Variants in DMD observed in about 807,000 individuals in gnomAD.
DMD encodes mutant dystrophin.
Under a neutral mutation model 330.1 loss-of-function variants are expected in DMD, and 63 were observed. The ratio of observed to expected loss-of-function variants is 0.19; its 90% CI spans 0.16 to 0.24. The LOEUF is 0.24. Among genes scored for constraint, DMD ranks in the 10% least tolerant of loss-of-function variants. The probability of loss-of-function intolerance (pLI) is 1.00; values close to 1 mark genes in which losing one functional copy is unlikely to be tolerated. For missense variants in DMD, 3,344 were observed against 2,684.1 expected, an observed-to-expected ratio of 1.25 and a Z score of -5.43; for synonymous variants, 1,223 against 959.8, an observed-to-expected ratio of 1.27 and a Z score of -5.07.
chrX:32,055,987 T>C (rs966317445), intron 44 of DMD, among the ~76,000 whole-genome samples: 6 of 111,493 alleles, frequency 5.4e-5, no homozygotes, highest in Non-Finnish European at 9.5e-5. Context: ...AATGATAACA[T>C]GAATGTCCTT....
intron 37 of DMD, among the ~76,000 whole-genome samples, chrX:32,355,560 A>G (rs1358957723): frequency 2.7e-5 from 3 of 111,896 alleles, no homozygotes; most frequent in African/African-American, 9.7e-5. Context: ...TCAATTACAC[A>G]TCTACTTTAA....
rs142457280 is a variant in DMD at position 31,419,413 on chromosome X, A to G, written c.9084+25068T>C. ...ATACATTCTCCACACGTATACATTC[A>G]TGGGTGTATGTGTGTGTTGTTTGTC... On this transcript the variant is annotated intron_variant, in intron 60 of 78. Transcript: ENST00000357033. Among the ~76,000 whole-genome samples, 1,051 of 110,380 alleles carry G rather than the reference A, an allele frequency of 9.5e-3. 2 individuals carry two copies. The highest frequency in any genetic ancestry group is 0.023 in the South Asian group (58 of 2,551).
chrX:32,263,813 C>A (rs2097333229), intron 43 of DMD, among the ~76,000 whole-genome samples: 1 of 111,560 alleles, frequency 9.0e-6, no homozygotes, highest in Admixed American at 9.5e-5. Flanking sequence ...TTAACTACAA[C>A]CCTTATCCTT....
rs754482872 is a variant in DMD, at chrX:32,686,696, G to A, written c.960+11174C>T. ...GAATATAGTTTCATTAAAATATAAG[G>A]TTAATAATTTAAAGAGAAAAGATTA... On this transcript the variant is annotated intron_variant, in intron 9 of 78. Coordinates refer to ENST00000357033, the MANE Select transcript of DMD (RefSeq NM_004006.3). Among the ~76,000 whole-genome samples, 3 of 109,506 alleles carry A rather than the reference G, an allele frequency of 2.7e-5. No individual in the cohort carries two copies. In the Admixed American group the frequency reaches 2.9e-4, roughly 11 times the overall value.
intron 12 of DMD, among the ~76,000 whole-genome samples, chrX:32,596,449 TCTTA>T (rs1335796795): frequency 1.8e-5 from 2 of 111,777 alleles, no homozygotes; most frequent in African/African-American, 6.5e-5. Context: ...TGTTATAGCG[TCTTA>T]CTTGACATGT....
In DMD at chrX:32,054,135, G is replaced by GAA. The variant is rs1557099312; in HGVS notation, c.6439-85623_6439-85622dup. Among the ~76,000 whole-genome samples, 524 of 96,104 alleles carry GAA rather than the reference G, an allele frequency of 5.5e-3. 5 individuals carry two copies. Among genetic ancestry groups the GAA allele is most frequent in the Admixed American group, 0.026 (235 of 8,915 alleles). The allele number at this position is 96,104 out of a possible 115,157, so 83.5% of individuals were successfully genotyped here. On this transcript the variant is annotated intron_variant, in intron 44 of 78. Transcript: ENST00000357033. The stretch of plus-strand genomic sequence containing the variant: ...AGAGAGAGAGAGAGAGAGAGAGAGA[G>GAA]AAGAGGACTGAGGAACCAAAAAGAA...
chrX:32,457,445 G>A (rs1264795009), intron 25 of DMD, among the ~76,000 whole-genome samples: 1 of 110,661 alleles, frequency 9.0e-6, no homozygotes, highest in Non-Finnish European at 1.9e-5. Context: ...ATTCTCTACT[G>A]ATGGGAATGA....
chrX:31,216,088 G>C (rs2045376991), intron 64 of DMD, among the ~76,000 whole-genome samples: 1 of 112,465 alleles, frequency 8.9e-6, no homozygotes, highest in African/African-American at 3.2e-5. Context: ...TCTATTAGGA[G>C]AATTAGGAAC....
At chrX:31,684,635 A>G (rs1418079800) in intron 52 of DMD, among the ~76,000 whole-genome samples, 1 of 111,786 alleles carries the variant, frequency 8.9e-6, no homozygotes, top group African/African-American at 3.3e-5. Flanking sequence ...AAAAGAGAAA[A>G]CCCATTGCTT....
intron 48 of DMD, among the ~76,000 whole-genome samples, chrX:31,862,321 C>T (rs926023815): frequency 1.8e-5 from 2 of 109,694 alleles, no homozygotes; most frequent in African/African-American, 6.6e-5. Flanking sequence ...TTAGTGGAGA[C>T]GGGGTTTCAT....
chrX:31,801,485 G>A (rs1183839553), intron 50 of DMD, among the ~76,000 whole-genome samples: 2 of 110,237 alleles, frequency 1.8e-5, no homozygotes, highest in African/African-American at 6.6e-5. Flanking sequence ...GTTATAAGAT[G>A]TCTGGGGATC....
At position 31,802,888 on chromosome X, in the gene DMD, A is replaced by G. The variant is rs150811473; in HGVS notation, c.7309+17087T>C. 2.6e-3 allele frequency among the ~76,000 whole-genome samples: 295 copies of G among 111,498 alleles called. 1 individual carries two copies. The highest frequency in any genetic ancestry group is 9.1e-3 in the African/African-American group (279 of 30,653). On this transcript the variant is annotated intron_variant, in intron 50 of 78. Coordinates refer to ENST00000357033, the MANE Select transcript of DMD (RefSeq NM_004006.3). ...GGCCTGGATGAGGACTTGGGTACAG[A>G]TAGCTCATTTGGAAGCTGATCCCTA...
chrX:32,517,810 T>C, intron 18 of DMD, 198 bp downstream of exon 18: 1 of 475,221 alleles, frequency 2.1e-6, no homozygotes, highest in Non-Finnish European at 3.6e-6. Context: ...CCCTAGTCAG[T>C]CACAGAAGAA....
intron 62 of DMD, among the ~76,000 whole-genome samples, chrX:31,273,843 G>A (rs1357131289): frequency 9.0e-6 from 1 of 111,675 alleles, no homozygotes; most frequent in Non-Finnish European, 1.9e-5. Flanking sequence ...ACCCTTTACA[G>A]GCAAGTCACT....
At chrX:32,410,941 T>C (rs1204535798) in intron 30 of DMD, among the ~76,000 whole-genome samples, 4 of 111,511 alleles carry the variant, frequency 3.6e-5, no homozygotes, top group African/African-American at 1.3e-4. Context: ...GAATGAAGCA[T>C]GGGAGTGAGT....
At position 32,519,257 on chromosome X, in the gene DMD, G is replaced by A. The variant is rs1289832753; in HGVS notation, c.2169-1126C>T. ...ATACCACATGATCTCACTTACAAGT[G>A]GAATCTAAAAAAAAAAAAAAAAAAA... On this transcript the variant is annotated intron_variant, in intron 17 of 78. Coordinates refer to ENST00000357033, the MANE Select transcript of DMD (RefSeq NM_004006.3). 3.6e-5 allele frequency among the ~76,000 whole-genome samples: 3 copies of A among 84,467 alleles called. No individual in the cohort carries two copies. In the Admixed American group the frequency reaches 3.9e-4, roughly 11 times the overall value. 73.3% of individuals were successfully genotyped at this position (84,467 alleles called of 115,157 possible).
At chrX:33,051,214 T>G (rs1175262358) in intron 1 of DMD, among the ~76,000 whole-genome samples, 2 of 81,207 alleles carry the variant, frequency 2.5e-5, no homozygotes. Flanking sequence ...TGACTTTTCT[T>G]TTTTTTTTTT....
intron 1 of DMD, among the ~76,000 whole-genome samples, chrX:33,319,641 T>G (rs1030801307): frequency 1.8e-5 from 2 of 112,398 alleles, no homozygotes; most frequent in Non-Finnish European, 3.8e-5. Context: ...ATCATCATTA[T>G]CACCTTTACT....
intron 55 of DMD, among the ~76,000 whole-genome samples, chrX:31,552,915 TGTAGTAGTAGTAGTG>T (rs918009856): frequency 9.0e-6 from 1 of 111,609 alleles, no homozygotes; most frequent in Non-Finnish European, 1.9e-5. Context: ...GGTTGCTATT[TGTAGTAGTAGTAGTG>T]GTAGTAGTAG....
Sources: allele counts gnomAD v4.1 joint callset (sites outside exome capture counted in the v4.1 genomes callset), GRCh38; gene constraint gnomAD v4.1.1; transcripts MANE v1.5; gene names NCBI Gene and HGNC (gene_info 2026-07-23, HGNC 2026-07-21).